The following CCDC91 variants were observed in gnomAD, a reference collection of about 807,000 sequenced individuals.
CCDC91 encodes coiled-coil domain-containing protein 91.
In CCDC91, 48 loss-of-function variants were observed where a neutral mutation model predicts 63.2. The observed-to-expected ratio is 0.76, with a 90% CI of 0.60 to 0.97. The LOEUF is 0.97. Among genes scored for constraint, CCDC91 ranks in the 50% least tolerant of loss-of-function variants. The probability of loss-of-function intolerance (pLI) is 0.00; values close to 1 mark genes in which losing one functional copy is unlikely to be tolerated. For missense variants in CCDC91, 500 were observed against 494.6 expected (o/e 1.01, Z -0.10); for synonymous variants, 167 against 165.8 (o/e 1.01, Z -0.06).
chr12:28,434,624 G>C (rs915659775), intron 8 of CCDC91, among the ~76,000 whole-genome samples: 12 of 73,554 alleles, frequency 1.6e-4, no homozygotes, highest in African/African-American at 5.5e-4. Context: ...TTTTTTGATT[G>C]GGGGGTGGGT....
intron 11 of CCDC91, among the ~76,000 whole-genome samples, chr12:28,461,141 T>TTA (rs1950290041): frequency 1.3e-5 from 2 of 151,998 alleles, no homozygotes; most frequent in Non-Finnish European, 2.9e-5. Flanking sequence ...AAAATACCTG[T>TTA]TATAATCTTA....
chr12:28,403,688 A>G (rs1385056649), intron 8 of CCDC91, among the ~76,000 whole-genome samples: 1 of 152,130 alleles, frequency 6.6e-6, no homozygotes, highest in Admixed American at 6.6e-5. Flanking sequence ...GTTATTAATT[A>G]TTGATTTAAT....
chr12:28,455,529 A>C (rs1354426214), intron 11 of CCDC91, among the ~76,000 whole-genome samples: 1 of 152,152 alleles, frequency 6.6e-6, no homozygotes, highest in Non-Finnish European at 1.5e-5. Flanking sequence ...AAAATCCCTC[A>C]AATAAAGGGC....
chr12:28,522,717 A>G (rs2141463782), intron 12 of CCDC91, among the ~76,000 whole-genome samples: 1 of 152,138 alleles, frequency 6.6e-6, no homozygotes, highest in African/African-American at 2.4e-5. Context: ...ATTTAGTGCT[A>G]TAAATTTCCA....
chr12:28,450,310 A>G, intron 9 of CCDC91, 40 bp from the exon 10 acceptor site: 1 of 1,589,496 alleles, frequency 6.3e-7, no homozygotes, highest in Non-Finnish European at 8.6e-7. Context: ...ACCTCAAATA[A>G]TACATTTAAT....
chr12:28,532,733 T>C (rs1941844556), intron 12 of CCDC91, among the ~76,000 whole-genome samples: 1 of 152,152 alleles, frequency 6.6e-6, no homozygotes, highest in African/African-American at 2.4e-5. Flanking sequence ...GATAAAGTTT[T>C]AGATGGCAAC....
intron 12 of CCDC91, among the ~76,000 whole-genome samples, chr12:28,528,693 G>A (rs1941485193): frequency 6.6e-6 from 1 of 152,156 alleles, no homozygotes; most frequent in African/African-American, 2.4e-5. Context: ...TTGAGCAGGA[G>A]TGGCTGAGTC....
intron 3 of CCDC91, among the ~76,000 whole-genome samples, chr12:28,297,693 C>T (rs1949639731): frequency 6.6e-6 from 1 of 151,710 alleles, no homozygotes; most frequent in African/African-American, 2.4e-5. Context: ...TTGGGCACAC[C>T]TGATTTCCTG....
intron 7 of CCDC91, among the ~76,000 whole-genome samples, chr12:28,391,083 C>T (rs569789281): frequency 9.2e-5 from 14 of 151,762 alleles, no homozygotes; most frequent in Admixed American, 2.0e-4. Context: ...GTGGAAGGAA[C>T]GTCTGAGCCA....
At chr12:28,342,680 G>A (rs1034053167) in intron 6 of CCDC91, among the ~76,000 whole-genome samples, 3 of 152,072 alleles carry the variant, frequency 2.0e-5, no homozygotes, top group Non-Finnish European at 2.9e-5. Context: ...AGTAGATGAG[G>A]GAATATAGGA....
chr12:28,547,296 A>C (rs146200687), intron 12 of CCDC91, among the ~76,000 whole-genome samples: 3 of 152,244 alleles, frequency 2.0e-5, no homozygotes, highest in African/African-American at 7.2e-5. Flanking sequence ...CATATATTAA[A>C]ATGAAACTTT....
chr12:28,425,567 GT>G (rs1948266384), intron 8 of CCDC91, among the ~76,000 whole-genome samples: 1 of 152,168 alleles, frequency 6.6e-6, no homozygotes, highest in African/African-American at 2.4e-5. Flanking sequence ...GCTTTCTCAA[GT>G]TTTAGCTTCT....
At chr12:28,525,981 A>T (rs1350534204) in intron 12 of CCDC91, among the ~76,000 whole-genome samples, 2 of 151,986 alleles carry the variant, frequency 1.3e-5, no homozygotes, top group Non-Finnish European at 2.9e-5. Context: ...AGTTTGTGTG[A>T]GTCCATATGT....
intron 3 of CCDC91, among the ~76,000 whole-genome samples, chr12:28,276,086 A>G (rs1306125498): frequency 6.6e-6 from 1 of 151,710 alleles, no homozygotes; most frequent in Non-Finnish European, 1.5e-5. Flanking sequence ...CTCTCTCACC[A>G]CTCCTAAAAA....
intron 1 of CCDC91, among the ~76,000 whole-genome samples, chr12:28,246,296 G>T (rs1945729991): frequency 6.6e-6 from 1 of 152,120 alleles, no homozygotes; most frequent in African/African-American, 2.4e-5. Context: ...ACAGGGAAGA[G>T]TTATATGTAT....
intron 7 of CCDC91, among the ~76,000 whole-genome samples, chr12:28,377,586 G>C (rs1369109196): frequency 2.6e-5 from 4 of 151,730 alleles, no homozygotes; most frequent in Admixed American, 2.0e-4. Flanking sequence ...GTGAAAATTA[G>C]TTACTTATTA....
chr12:28,298,307 A>G (rs1359832538), intron 3 of CCDC91, among the ~76,000 whole-genome samples: 1 of 151,378 alleles, frequency 6.6e-6, no homozygotes, highest in Non-Finnish European at 1.5e-5. Context: ...GCAGGATGCC[A>G]GAAAGGCTTG....
intron 1 of CCDC91, among the ~76,000 whole-genome samples, chr12:28,242,694 G>T (rs952111333): frequency 4.5e-4 from 68 of 152,044 alleles, no homozygotes; most frequent in African/African-American, 1.6e-3. Flanking sequence ...TGGGTGACGT[G>T]GTTTGGATCT....
chr12:28,290,739 T>G (rs1165747993), intron 3 of CCDC91, among the ~76,000 whole-genome samples: 1 of 152,194 alleles, frequency 6.6e-6, no homozygotes, highest in Non-Finnish European at 1.5e-5. Context: ...TTATCACTTT[T>G]TAAGGAGTTA....
Sources: allele counts gnomAD v4.1 joint callset (sites outside exome capture counted in the v4.1 genomes callset), GRCh38; gene constraint gnomAD v4.1.1; transcripts MANE v1.5; gene names NCBI Gene and HGNC (gene_info 2026-07-23, HGNC 2026-07-21).